The following NELL1 variants were observed in gnomAD, a reference collection of about 807,000 sequenced individuals.
NELL1 encodes the protein neural EGFL like 1, also known as protein kinase C-binding protein NELL1.
A neutral mutation model predicts 107.4 loss-of-function variants in NELL1; 76 were observed. The ratio of observed to expected loss-of-function variants is 0.71; its 90% CI spans 0.59 to 0.86. The LOEUF is 0.86. Ranked by LOEUF, NELL1 falls within the 40% of genes least tolerant of loss-of-function variation. The probability of loss-of-function intolerance (pLI) is 0.00; values close to 1 mark genes in which losing one functional copy is unlikely to be tolerated. For synonymous variants in NELL1, 353 were observed against 341.2 expected, an observed-to-expected ratio of 1.03 and a Z score of -0.38; for missense variants, 1,024 against 1,005.5, an observed-to-expected ratio of 1.02 and a Z score of -0.25.
At chr11:21,459,729 G>A (rs954714652) in intron 15 of NELL1, among the ~76,000 whole-genome samples, 1 of 152,064 alleles carries the variant, frequency 6.6e-6, no homozygotes, top group Non-Finnish European at 1.5e-5. Context: ...CTTAGTAGAT[G>A]AAAATGAAGA....
At chr11:21,222,323 G>A (rs1348564936) in intron 13 of NELL1, among the ~76,000 whole-genome samples, 1 of 151,850 alleles carries the variant, frequency 6.6e-6, no homozygotes, top group Non-Finnish European at 1.5e-5. Context: ...GGGACTACAG[G>A]CACCTGCCAC....
At chr11:21,473,901 T>C (rs922154858) in intron 15 of NELL1, among the ~76,000 whole-genome samples, 2 of 152,132 alleles carry the variant, frequency 1.3e-5, no homozygotes, top group African/African-American at 4.8e-5. Context: ...GATTCATGCT[T>C]CAAGGTGTCT....
intron 10 of NELL1, among the ~76,000 whole-genome samples, chr11:20,938,936 C>CTGTGTG (rs1341026131): frequency 4.7e-5 from 2 of 42,418 alleles, no homozygotes; most frequent in African/African-American, 9.7e-5. Flanking sequence ...CTCTCTCTCT[C>CTGTGTG]TCTCTGTGTG....
chr11:20,688,806 G>A (rs1854375019), intron 2 of NELL1, among the ~76,000 whole-genome samples: 1 of 152,138 alleles, frequency 6.6e-6, no homozygotes, highest in African/African-American at 2.4e-5. Context: ...AGTTCTTTGA[G>A]AAATCTCCAA....
intron 15 of NELL1, among the ~76,000 whole-genome samples, chr11:21,388,082 T>G (rs1161298016): frequency 8.7e-6 from 1 of 114,774 alleles, no homozygotes; most frequent in Non-Finnish European, 1.8e-5. Flanking sequence ...ATTCTATGTT[T>G]TTTTTTTTTT....
intron 15 of NELL1, among the ~76,000 whole-genome samples, chr11:21,449,664 A>C (rs527382025): frequency 6.6e-6 from 1 of 152,298 alleles, no homozygotes; most frequent in Non-Finnish European, 1.5e-5. Flanking sequence ...GTTTTGCCTT[A>C]GAAATTTTAG....
chr11:21,036,508 A>G (rs1454396645), intron 12 of NELL1, among the ~76,000 whole-genome samples: 1 of 152,118 alleles, frequency 6.6e-6, no homozygotes, highest in Non-Finnish European at 1.5e-5. Context: ...CCAAAACAGC[A>G]TGGTGTTCTT....
intron 3 of NELL1, among the ~76,000 whole-genome samples, chr11:20,806,249 CATTT>C (rs1857381095): frequency 1.5e-5 from 1 of 68,018 alleles, no homozygotes; most frequent in South Asian, 7.3e-4. Flanking sequence ...ATGTGTGAAG[CATTT>C]GTGTGTGTGT....
At chr11:20,880,031 T>C (rs1196128114) in intron 4 of NELL1, among the ~76,000 whole-genome samples, 1 of 152,200 alleles carries the variant, frequency 6.6e-6, no homozygotes, top group African/African-American at 2.4e-5. Context: ...TTTTTTTCTG[T>C]TACATATTAG....
chr11:20,732,244 A>G (rs1259316971), intron 2 of NELL1, among the ~76,000 whole-genome samples: 2 of 152,018 alleles, frequency 1.3e-5, no homozygotes, highest in Non-Finnish European at 1.5e-5. Context: ...CTTCCTGCCC[A>G]TTCCCTCTTT....
Position 20,818,983 on chromosome 11 carries a change from T to G in NELL1, c.336-28600T>G, listed in dbSNP as rs576942358. ...GATGAGGAAACTGAAGCACAGATTGTTGGCTGCTTTGCCAAGAGTCACCCA... is the reference window on the plus strand; with the variant it reads ...GATGAGGAAACTGAAGCACAGATTGGTGGCTGCTTTGCCAAGAGTCACCCA... On this transcript the variant is annotated intron_variant, in intron 3 of 19. Transcript: ENST00000357134. 3.3e-5 allele frequency among the ~76,000 whole-genome samples: 5 copies of G among 152,336 alleles called. 1 individual carries two copies. In the South Asian group the frequency reaches 6.2e-4, roughly 19 times the overall value.
chr11:21,403,955 C>T (rs895988710), intron 15 of NELL1, among the ~76,000 whole-genome samples: 3 of 151,042 alleles, frequency 2.0e-5, no homozygotes, highest in African/African-American at 7.3e-5. Flanking sequence ...GGACTGTATC[C>T]TCCTCTAACC....
At chr11:21,023,228 C>G (rs1403122520) in intron 12 of NELL1, among the ~76,000 whole-genome samples, 2 of 152,032 alleles carry the variant, frequency 1.3e-5, no homozygotes, top group Non-Finnish European at 2.9e-5. Flanking sequence ...CAGAGCCAAG[C>G]AGTGTGTGTT....
intron 11 of NELL1, among the ~76,000 whole-genome samples, chr11:20,957,660 AT>A (rs1280493303): frequency 4.6e-5 from 7 of 152,268 alleles, no homozygotes; most frequent in Non-Finnish European, 8.8e-5. Context: ...TAAAAAGGAA[AT>A]TTAAAAAAAT....
intron 12 of NELL1, among the ~76,000 whole-genome samples, chr11:21,041,847 A>G (rs1439035900): frequency 1.3e-5 from 2 of 152,226 alleles, no homozygotes; most frequent in African/African-American, 4.8e-5. Flanking sequence ...AATTCAAATT[A>G]ATTACAATGA....
At chr11:21,561,271 T>C (rs1268217393) in intron 17 of NELL1, among the ~76,000 whole-genome samples, 1 of 152,026 alleles carries the variant, frequency 6.6e-6, no homozygotes, top group African/African-American at 2.4e-5. Flanking sequence ...TAAGAAATCA[T>C]CCAGTTCATC....
intron 2 of NELL1, among the ~76,000 whole-genome samples, chr11:20,706,560 A>C (rs1024090523): frequency 6.6e-6 from 1 of 151,358 alleles, no homozygotes; most frequent in Non-Finnish European, 1.5e-5. Flanking sequence ...TAGGAGATAT[A>C]CCTAATGCTA....
chr11:21,073,946 AG>A (rs1439314387), intron 12 of NELL1, among the ~76,000 whole-genome samples: 1 of 152,182 alleles, frequency 6.6e-6, no homozygotes, highest in African/African-American at 2.4e-5. Flanking sequence ...AAAAGATTTA[AG>A]CTAAAGAATA....
chr11:20,734,587 G>A (rs1855718851), intron 2 of NELL1, among the ~76,000 whole-genome samples: 1 of 152,150 alleles, frequency 6.6e-6, no homozygotes, highest in East Asian at 1.9e-4. Flanking sequence ...GAGGAATCAA[G>A]ACTGCATTTG....
Sources: allele counts gnomAD v4.1 joint callset (sites outside exome capture counted in the v4.1 genomes callset), GRCh38; gene constraint gnomAD v4.1.1; transcripts MANE v1.5; gene names NCBI Gene and HGNC (gene_info 2026-07-23, HGNC 2026-07-21).